PPP2R3A: variants seen among roughly 807,000 people sequenced by gnomAD.
PPP2R3A encodes the protein serine/threonine-protein phosphatase 2A regulatory subunit B'' subunit alpha.
A neutral mutation model predicts 106.9 loss-of-function variants in PPP2R3A; 80 were observed. The observed-to-expected ratio is 0.75, with a 90% CI of 0.62 to 0.90. The LOEUF is 0.90. PPP2R3A is among the 40% of genes least tolerant of loss of function. The pLI is 0.00. For missense variants in PPP2R3A, 1,386 were observed against 1,350.4 expected, an observed-to-expected ratio of 1.03 and a Z score of -0.41; for synonymous variants, 483 against 468.3, an observed-to-expected ratio of 1.03 and a Z score of -0.41.
At chr3:136,107,307 TA>T (rs1219659603) in intron 13 of PPP2R3A, among the ~76,000 whole-genome samples, 2 of 152,128 alleles carry the variant, frequency 1.3e-5, no homozygotes, top group South Asian at 2.1e-4. Flanking sequence ...AAAGAAATAG[TA>T]AAAAGTTTCC....
chr3:136,137,058 TC>T (rs912671245), intron 13 of PPP2R3A, among the ~76,000 whole-genome samples: 3 of 152,166 alleles, frequency 2.0e-5, no homozygotes, highest in Non-Finnish European at 2.9e-5. Flanking sequence ...TTAATCCAAG[TC>T]AACTAAATGT....
At chr3:135,994,457 C>T (rs890144827) in intron 1 of PPP2R3A, among the ~76,000 whole-genome samples, 4 of 152,172 alleles carry the variant, frequency 2.6e-5, no homozygotes, top group Non-Finnish European at 4.4e-5. Flanking sequence ...TATTCTCTTA[C>T]AGACTTTCAA....
rs944174941 is a variant in PPP2R3A, at chr3:136,056,492, A to C, written c.2469+7131A>C. On this transcript the variant is annotated intron_variant, in intron 5 of 13. Coordinates refer to ENST00000264977, the MANE Select transcript of PPP2R3A (RefSeq NM_002718.5). ...ACCTAAAACTATTCTAAAAAAAAAAAACCAGTTATTTTAAAAAGTACTATA... is the reference window on the plus strand; with the variant it reads ...ACCTAAAACTATTCTAAAAAAAAAACACCAGTTATTTTAAAAAGTACTATA... 2.6e-5 allele frequency among the ~76,000 whole-genome samples: 4 copies of C among 151,806 alleles called. No homozygotes were observed. The Middle Eastern group carries it at 0.01, about 387-fold the overall frequency.
At chr3:136,004,121 C>A (rs1006638090) in intron 2 of PPP2R3A, among the ~76,000 whole-genome samples, 2 of 152,188 alleles carry the variant, frequency 1.3e-5, no homozygotes, top group African/African-American at 4.8e-5. Flanking sequence ...ATTTGATTCT[C>A]CAGGCAACTG....
intron 10 of PPP2R3A, among the ~76,000 whole-genome samples, chr3:136,091,625 A>G (rs1036683129): frequency 6.6e-6 from 1 of 152,210 alleles, no homozygotes; most frequent in African/African-American, 2.4e-5. Context: ...CTCTAAAAAA[A>G]TAAATGTTGA....
Position 136,002,237 on chromosome 3 carries a change from A to T in PPP2R3A, c.739A>T (p.Thr247Ser). 1 of 1,613,878 alleles carries T rather than the reference A, an allele frequency of 6.2e-7. No homozygotes were observed. The part of the protein sequence containing the change: ...LKCSEDLKKC[T>S]DIIKQCIKKK... The stretch of plus-strand genomic sequence containing the variant: ...ATGCTCCGAGGATTTAAAAAAATGC[A>T]CAGACATCATAAAACAATGCATAAA... The change falls in exon 2 of 14, where the codon ACA becomes TCA. Residue 247 changes from threonine to serine, a missense_variant. Transcript: ENST00000264977.
intron 10 of PPP2R3A, among the ~76,000 whole-genome samples, chr3:136,098,721 ATCC>A (rs1937279730): frequency 6.6e-6 from 1 of 152,210 alleles, no homozygotes; most frequent in Admixed American, 6.5e-5. Flanking sequence ...GACTGCCTGA[ATCC>A]TAAGCCAGCT....
intron 13 of PPP2R3A, among the ~76,000 whole-genome samples, chr3:136,135,860 A>G (rs1938591633): frequency 6.6e-6 from 1 of 151,858 alleles, no homozygotes; most frequent in South Asian, 2.1e-4. Context: ...TGCCTGGCCA[A>G]CATGGCAAAA....
intron 1 of PPP2R3A, among the ~76,000 whole-genome samples, chr3:135,977,172 A>G (rs914687976): frequency 3.9e-5 from 6 of 152,312 alleles, no homozygotes; most frequent in Non-Finnish European, 5.9e-5. Context: ...TAGCAATACA[A>G]TGAACACTTG....
intron 13 of PPP2R3A, 167 bp downstream of exon 13, chr3:136,106,489 C>T (rs909885135): frequency 4.8e-6 from 3 of 620,980 alleles, no homozygotes; most frequent in Non-Finnish European, 8.4e-6. Flanking sequence ...GCAATCTTCA[C>T]TCATTTCCTG....
intron 4 of PPP2R3A, among the ~76,000 whole-genome samples, chr3:136,048,026 G>A (rs1037710125): frequency 1.3e-5 from 2 of 151,974 alleles, no homozygotes; most frequent in Admixed American, 6.5e-5. Flanking sequence ...AGATGGATTC[G>A]TTCATACTCC....
chr3:136,006,580 G>A (rs1375901418), intron 2 of PPP2R3A, among the ~76,000 whole-genome samples: 1 of 152,134 alleles, frequency 6.6e-6, no homozygotes, highest in African/African-American at 2.4e-5. Context: ...CCAAGACTTA[G>A]AAAAACAGGC....
In PPP2R3A at chr3:136,145,258, CTT is replaced by C. The variant is rs1939073268; in HGVS notation, c.*94_*95del. 7.0e-6 allele frequency: 10 copies of C among 1,430,314 alleles called. No individual in the cohort carries two copies. Among genetic ancestry groups the C allele is most frequent in the Middle Eastern group, 1.9e-4 (1 of 5,308 alleles). 88.6% of individuals were successfully genotyped at this position (1,430,314 alleles called of 1,614,324 possible). A position where few individuals can be genotyped will look rare whatever the true frequency, so the allele number is the denominator to read the frequency against. ...TCGTTTGCATACTGCTTTTTAAAGA[CTT>C]TGATTTCTCCAAGTGTGTATCATCT... On this transcript the variant is annotated 3_prime_UTR_variant, in exon 14 of 14. Transcript: ENST00000264977.
At chr3:136,067,355 G>A (rs1936290864) in intron 5 of PPP2R3A, among the ~76,000 whole-genome samples, 1 of 152,168 alleles carries the variant, frequency 6.6e-6, no homozygotes, top group South Asian at 2.1e-4. Context: ...TTTCAAGATG[G>A]TGCACATCAG....
At chr3:135,988,872 C>CTG (rs750453953) in intron 1 of PPP2R3A, among the ~76,000 whole-genome samples, 19 of 152,056 alleles carry the variant, frequency 1.2e-4, no homozygotes, top group Non-Finnish European at 2.1e-4. Context: ...ATCAATGATG[C>CTG]TACAGTCTTG....
rs1453141010 is a variant in PPP2R3A, at chr3:136,147,039, G to A, written c.*1873G>A. 6.6e-6 allele frequency: 1 copy of A among 151,476 alleles called. No individual in the cohort carries two copies. 9.4% of individuals were successfully genotyped at this position (151,476 alleles called of 1,614,324 possible). A position where few individuals can be genotyped will look rare whatever the true frequency, so the allele number is the denominator to read the frequency against. On this transcript the variant is annotated 3_prime_UTR_variant, in exon 14 of 14. Coordinates refer to ENST00000264977, the MANE Select transcript of PPP2R3A (RefSeq NM_002718.5). Reference sequence around the variant, plus strand: ...TTTTACCTTGGTTCTCCTTACTGAAGTCCTCTTGCTTTCACTTTGATCTGG... The same window carrying A: ...TTTTACCTTGGTTCTCCTTACTGAAATCCTCTTGCTTTCACTTTGATCTGG...
chr3:136,029,253 GTGC>G (rs1472986298), intron 3 of PPP2R3A, among the ~76,000 whole-genome samples: 1 of 152,228 alleles, frequency 6.6e-6, no homozygotes, highest in Admixed American at 6.5e-5. Context: ...CCCTGGTACA[GTGC>G]TGAGGTCATC....
chr3:136,078,596 G>A (rs983299548), intron 7 of PPP2R3A, 143 bp downstream of exon 7: 2 of 629,116 alleles, frequency 3.2e-6, no homozygotes, highest in Non-Finnish European at 5.6e-6. Flanking sequence ...CCTGTCGTGG[G>A]ATGCTGGAAT....
At chr3:136,102,851 G>C (rs1937412990) in intron 11 of PPP2R3A, among the ~76,000 whole-genome samples, 1 of 152,084 alleles carries the variant, frequency 6.6e-6, no homozygotes, top group Non-Finnish European at 1.5e-5. Flanking sequence ...TGAAAGCGGG[G>C]TTTGGGGGAT....
Sources: allele counts gnomAD v4.1 joint callset (sites outside exome capture counted in the v4.1 genomes callset), GRCh38; gene constraint gnomAD v4.1.1; transcripts MANE v1.5; gene names NCBI Gene and HGNC (gene_info 2026-07-23, HGNC 2026-07-21).